PCDHGB1: variants seen among roughly 807,000 people sequenced by gnomAD.
The protein encoded by PCDHGB1 is protocadherin gamma subfamily B, 1, also known as protocadherin gamma-B1.
A neutral mutation model predicts 56.6 loss-of-function variants in PCDHGB1; 34 were observed. The ratio of observed to expected loss-of-function variants is 0.60; its 90% confidence interval spans 0.46 to 0.80. The LOEUF is 0.80. Among genes scored for constraint, PCDHGB1 ranks in the 30% least tolerant of loss-of-function variants. The pLI, the probability that PCDHGB1 is intolerant of heterozygous loss-of-function variation, is 0.00. For synonymous variants in PCDHGB1, 561 were observed against 505.9 expected, an observed-to-expected ratio of 1.11 and a Z score of -1.46; for missense variants, 1,278 against 1,204.6, an observed-to-expected ratio of 1.06 and a Z score of -0.90.
At chr5:141,472,507 T>G (rs919448316) in intron 1 of PCDHGB1, among the ~76,000 whole-genome samples, 2 of 151,872 alleles carry the variant, frequency 1.3e-5, no homozygotes, top group African/African-American at 4.8e-5. Context: ...GCCACTGCAC[T>G]CCAGCCTGGG....
chr5:141,428,344 G>T (rs970552377), intron 1 of PCDHGB1: 3 of 596,498 alleles, frequency 5.0e-6, no homozygotes, highest in Non-Finnish European at 6.1e-6. Flanking sequence ...CTTCTTCCTC[G>T]CAGTGATTTT....
intron 1 of PCDHGB1, among the ~76,000 whole-genome samples, chr5:141,450,649 G>A (rs2098689040): frequency 6.6e-6 from 1 of 151,674 alleles, no homozygotes; most frequent in African/African-American, 2.4e-5. Flanking sequence ...ACCATGCCTG[G>A]CTAATTTTTG....
chr5:141,393,988 T>C (rs765412193), intron 1 of PCDHGB1: 1 of 1,613,578 alleles, frequency 6.2e-7, no homozygotes, highest in Non-Finnish European at 8.5e-7. Context: ...AATTTACCTT[T>C]TAAATTAGAA....
chr5:141,403,697 G>A (rs1230785832), intron 1 of PCDHGB1: 5 of 1,613,830 alleles, frequency 3.1e-6, no homozygotes, highest in Admixed American at 1.7e-5. Context: ...GATTTACCGA[G>A]TTAAAGTCCT....
Position 141,489,806 on chromosome 5 carries a change from A to G in PCDHGB1, c.2410-5001A>G. 1 of 1,614,198 alleles carries G rather than the reference A, an allele frequency of 6.2e-7. No homozygotes were observed. Among genetic ancestry groups the G allele is most frequent in the South Asian group, 1.1e-5 (1 of 91,082 alleles). Reference sequence around the variant, plus strand: ...AATGTGAAGACCCTAAAAGATGGGAAGCCATTCCCAGAGCTGGTGCTAGAG... The same window carrying G: ...AATGTGAAGACCCTAAAAGATGGGAGGCCATTCCCAGAGCTGGTGCTAGAG... On this transcript the variant is annotated intron_variant, in intron 1 of 3. Coordinates refer to ENST00000523390, the MANE Select transcript of PCDHGB1 (RefSeq NM_018922.3). The surrounding 1 kb of genome is among the most constrained non-coding windows in gnomAD (Gnocchi z 4.5).
At chr5:141,428,021 C>A (rs1185050109) in intron 1 of PCDHGB1, 2 of 1,605,604 alleles carry the variant, frequency 1.2e-6, no homozygotes, top group Non-Finnish European at 1.7e-6. Flanking sequence ...TGCCACGCGC[C>A]GCAGAGTCCG....
chr5:141,431,022 G>A lies in PCDHGB1; in HGVS notation c.2410-63785G>A. ...CGCAGCGGCAGCTTGGTCACGGCGG[G>A]CAGGATAGACCGGGAGGAGCTCTGT... On this transcript the variant is annotated intron_variant, in intron 1 of 3. Transcript: ENST00000523390. This position sits in a 1 kb window ranked among gnomAD's most constrained non-coding sequence, Gnocchi z 4.8. 1 of 1,614,078 alleles carries A rather than the reference G, an allele frequency of 6.2e-7. No individual in the cohort carries two copies. Among genetic ancestry groups the A allele is most frequent in the African/African-American group, 1.3e-5 (1 of 75,074 alleles).
chr5:141,383,147 G>C, intron 1 of PCDHGB1: 1 of 1,614,150 alleles, frequency 6.2e-7, no homozygotes, highest in South Asian at 1.1e-5. Flanking sequence ...CGCAGCGGCA[G>C]CTTGGTCACT....
At chr5:141,385,294 G>C (rs1781091106) in intron 1 of PCDHGB1, 2 of 1,613,150 alleles carry the variant, frequency 1.2e-6, no homozygotes, top group Non-Finnish European at 1.7e-6. Context: ...AGATTTTCAG[G>C]AATGTAAAGA....
intron 1 of PCDHGB1, chr5:141,389,735 G>A: frequency 6.2e-7 from 1 of 1,612,708 alleles, no homozygotes; most frequent in Non-Finnish European, 8.5e-7. Flanking sequence ...TCTTCAGCCT[G>A]GGGCTGCGCA....
At position 141,400,963 on chromosome 5, in the gene PCDHGB1, ATC is replaced by A. The variant is rs563949563; in HGVS notation, c.2409+48298_2409+48299del. ...TTCACTGATTTCACTGGTAGTTTTC[ATC>A]TCTTTCTTATGTTCCTCATATATGC... is the stretch of plus-strand genomic sequence containing the variant. On this transcript the variant is annotated intron_variant, in intron 1 of 3. Coordinates refer to ENST00000523390, the MANE Select transcript of PCDHGB1 (RefSeq NM_018922.3). 3.8e-3 allele frequency among the ~76,000 whole-genome samples: 582 copies of A among 152,338 alleles called. 6 individuals carry two copies. Among genetic ancestry groups the A allele is most frequent in the Admixed American group, 0.011 (171 of 15,304 alleles).
chr5:141,400,694 C>G, intron 1 of PCDHGB1: 2 of 763,776 alleles, frequency 2.6e-6, no homozygotes, highest in Non-Finnish European at 4.2e-6. Flanking sequence ...GTTTTTATGT[C>G]GCATAAAAGA....
In PCDHGB1 at chr5:141,502,614, T is replaced by C. The variant is rs534996288; in HGVS notation, c.2469-2779T>C. Among the ~76,000 whole-genome samples the C allele has an allele frequency of 7.2e-5, 11 of 152,316 alleles. No homozygotes were observed. In the East Asian group the frequency reaches 1.7e-3, roughly 24 times the overall value. ...AGATATTTTAAAATATTTGTGAAAATATAAGTAATCTGTGGATGATACTTT... is the reference window on the plus strand; with the variant it reads ...AGATATTTTAAAATATTTGTGAAAACATAAGTAATCTGTGGATGATACTTT... On this transcript the variant is annotated intron_variant, in intron 2 of 3. Transcript: ENST00000523390.
intron 1 of PCDHGB1, chr5:141,385,154 C>A (rs761681846): frequency 6.2e-7 from 1 of 1,614,208 alleles, no homozygotes; most frequent in Admixed American, 1.7e-5. Context: ...TTCCTGCAGA[C>A]CTATTCCCAT....
intron 1 of PCDHGB1, chr5:141,427,474 A>G (rs373512099): frequency 3.7e-5 from 19 of 520,294 alleles, no homozygotes; most frequent in African/African-American, 1.5e-4. Context: ...TCTTCCGCCA[A>G]TAATGACTAT....
intron 1 of PCDHGB1, chr5:141,399,623 C>A: frequency 6.2e-7 from 1 of 1,613,920 alleles, no homozygotes; most frequent in South Asian, 1.1e-5. Context: ...GCACTGGCCT[C>A]TTACGTGTCC....
rs576044355 is a variant in PCDHGB1 at position 141,375,342 on chromosome 5, T to A, written c.2409+22673T>A. 97 of 1,613,798 alleles carry A rather than the reference T, an allele frequency of 6.0e-5. 3 individuals are homozygous for A. In the South Asian group the frequency reaches 9.8e-4, roughly 16 times the overall value. On this transcript the variant is annotated intron_variant, in intron 1 of 3. Transcript: ENST00000523390. Reference sequence around the variant, plus strand: ...CGGGAAGAGGTATTCTTGTACAACATCACTGTGACAGCCACGGACAAAGGA... The same window carrying A: ...CGGGAAGAGGTATTCTTGTACAACAACACTGTGACAGCCACGGACAAAGGA...
chr5:141,394,592 G>C (rs754585576), intron 1 of PCDHGB1: 84 of 1,613,642 alleles, frequency 5.2e-5, no homozygotes, highest in South Asian at 3.7e-4. Context: ...AGGTGGTGGC[G>C]GTGGACAGAG....
rs746906389 is a variant in PCDHGB1 at position 141,384,782 on chromosome 5, C to T, written c.2409+32113C>T. The T allele has an allele frequency of 5.0e-6, 8 of 1,613,640 alleles. No individual in the cohort carries two copies. The highest frequency in any genetic ancestry group is 5.9e-6 in the Non-Finnish European group (7 of 1,179,944). On this transcript the variant is annotated intron_variant, in intron 1 of 3. Transcript: ENST00000523390. The stretch of plus-strand genomic sequence containing the variant: ...GGGCTGTACACGGGCGAGGTGCGCA[C>T]GGCTCGGGCCCTGCTGGACAGAGAT...
Sources: gnomAD v4.1 joint callset for allele counts (sites outside exome capture counted in the v4.1 genomes callset) on GRCh38, gnomAD v4.1.1 for gene constraint, Gnocchi (gnomAD v3.1) non-coding constraint, MANE v1.5 for transcripts, NCBI Gene and HGNC (gene_info 2026-07-23, HGNC 2026-07-21) for gene names.